FBXL17: variants seen among roughly 807,000 people sequenced by gnomAD.
The protein encoded by FBXL17 is F-box and leucine rich repeat protein 17, also known as F-box/LRR-repeat protein 17.
A neutral mutation model predicts 66.2 loss-of-function variants in FBXL17; 22 were observed. The observed-to-expected ratio is 0.33, with a 90% confidence interval of 0.24 to 0.47. FBXL17 has a LOEUF of 0.47. FBXL17 is among the 20% of genes least tolerant of loss of function. FBXL17 has a pLI of 1.00. For synonymous variants in FBXL17, 474 were observed against 400.5 expected, an observed-to-expected ratio of 1.18 and a Z score of -2.19; for missense variants, 878 against 948.2, an observed-to-expected ratio of 0.93 and a Z score of 0.97.
intron 7 of FBXL17, among the ~76,000 whole-genome samples, chr5:107,904,282 C>T (rs528243225): frequency 5.3e-5 from 8 of 152,238 alleles, no homozygotes; most frequent in East Asian, 3.9e-4. Flanking sequence ...CCCCTTCTCC[C>T]GCTGCCACTG....
chr5:108,233,180 TG>T (rs61208225), intron 4 of FBXL17, among the ~76,000 whole-genome samples: 18,325 of 151,792 alleles, frequency 0.12, 1,326 homozygotes, highest in Admixed American at 0.16. Flanking sequence ...GTTTCACAAT[TG>T]TTTTTTTTGC....
At chr5:107,894,733 T>C (rs1471850280) in intron 7 of FBXL17, among the ~76,000 whole-genome samples, 1 of 152,188 alleles carries the variant, frequency 6.6e-6, no homozygotes, top group Non-Finnish European at 1.5e-5. Context: ...TTCATATATA[T>C]AATTACACAT....
chr5:108,054,924 T>A (rs752221290), intron 6 of FBXL17, among the ~76,000 whole-genome samples: 6 of 152,094 alleles, frequency 3.9e-5, no homozygotes, highest in Non-Finnish European at 7.4e-5. Flanking sequence ...GTTTGATAGG[T>A]GATGTCTGGG....
intron 7 of FBXL17, among the ~76,000 whole-genome samples, chr5:107,912,536 T>C (rs1487184288): frequency 6.6e-6 from 1 of 152,144 alleles, no homozygotes; most frequent in Non-Finnish European, 1.5e-5. Context: ...CAGGGAATAC[T>C]GTTGAATGAA....
chr5:108,240,691 G>A lies in FBXL17; in HGVS notation c.1507-16463C>T, dbSNP rs191765315. The stretch of plus-strand genomic sequence containing the variant: ...GGCTTGACCATCTACTGATTGTAGA[G>A]TACTAGGGCCTTGACTGAACACAGG... On this transcript the variant is annotated intron_variant, in intron 4 of 8. Transcript: ENST00000542267. Among the ~76,000 whole-genome samples the A allele has an allele frequency of 1.1e-3, 171 of 152,274 alleles. 1 individual carries two copies. Among genetic ancestry groups the A allele is most frequent in the Admixed American group, 0.011 (171 of 15,282 alleles).
chr5:108,376,348 A>G (rs1749420998), intron 1 of FBXL17, among the ~76,000 whole-genome samples: 1 of 152,224 alleles, frequency 6.6e-6, no homozygotes, highest in South Asian at 2.1e-4. Context: ...CTCTATTCAC[A>G]GATGTCATGG....
chr5:108,183,462 T>G (rs1753092815), intron 6 of FBXL17, among the ~76,000 whole-genome samples: 1 of 152,246 alleles, frequency 6.6e-6, no homozygotes, highest in Non-Finnish European at 1.5e-5. Context: ...GAATAGCTTT[T>G]TAAAGATTAC....
Position 108,380,766 on chromosome 5 carries a change from T to A in FBXL17, c.926A>T (p.Asp309Val). 8.0e-7 allele frequency: 1 copy of A among 1,248,490 alleles called. No homozygotes were observed. The highest frequency in any genetic ancestry group is 1.6e-5 in the African/African-American group (1 of 64,380). 77.3% of individuals were successfully genotyped at this position (1,248,490 alleles called of 1,614,324 possible). A position where few individuals can be genotyped will look rare whatever the true frequency, so the allele number is the denominator to read the frequency against. Residue 309 changes from aspartate to valine, a missense_variant, in exon 1 of 9, where the codon GAC (aspartate) becomes GTC (valine). Physicochemically the swap from Asp to Val is radical, Grantham distance 152. Coordinates refer to ENST00000542267, the MANE Select transcript of FBXL17 (RefSeq NM_001163315.3). ...DCRESPENPCDCHREPPPETP... is the reference protein window; with the variant it reads ...DCRESPENPCVCHREPPPETP... The stretch of plus-strand genomic sequence containing the variant: ...TTCGGGGGGCGGCTCCCTGTGACAG[T>A]CGCAGGGGTTTTCGGGGGACTCCCG...
At chr5:108,009,262 TA>T (rs1470217448) in intron 7 of FBXL17, among the ~76,000 whole-genome samples, 256 of 11,238 alleles carry the variant, frequency 0.023, 18 homozygotes, top group African/African-American at 0.15. Flanking sequence ...TTCCCTGTTT[TA>T]TATATATATA....
chr5:108,176,721 T>C (rs974991700), intron 6 of FBXL17, among the ~76,000 whole-genome samples: 6 of 152,130 alleles, frequency 3.9e-5, no homozygotes, highest in Non-Finnish European at 8.8e-5. Flanking sequence ...TAGTAAGTAG[T>C]ATTTCCTTAA....
chr5:108,006,746 C>A (rs1169387525), intron 7 of FBXL17, among the ~76,000 whole-genome samples: 1 of 152,168 alleles, frequency 6.6e-6, no homozygotes, highest in East Asian at 1.9e-4. Flanking sequence ...TGTGCAGCAG[C>A]ACATCATGTG....
At chr5:108,278,270 C>T (rs894386041) in intron 4 of FBXL17, among the ~76,000 whole-genome samples, 1 of 152,188 alleles carries the variant, frequency 6.6e-6, no homozygotes, top group Non-Finnish European at 1.5e-5. Context: ...AGGGAAAGAA[C>T]ACATCCTGGG....
At chr5:108,176,881 G>C (rs1196667297) in intron 6 of FBXL17, among the ~76,000 whole-genome samples, 2 of 152,016 alleles carry the variant, frequency 1.3e-5, no homozygotes, top group African/African-American at 4.8e-5. Context: ...AATTTTACCA[G>C]AAAAACTTTG....
intron 4 of FBXL17, among the ~76,000 whole-genome samples, chr5:108,270,910 C>A (rs571219689): frequency 6.6e-6 from 1 of 152,122 alleles, no homozygotes; most frequent in South Asian, 2.1e-4. Context: ...TGCTGAAATT[C>A]TCCTCCAAAA....
At chr5:108,224,300 T>C in intron 4 of FBXL17, 72 bp from the exon 5 acceptor site, 1 of 759,234 alleles carries the variant, frequency 1.3e-6, no homozygotes, top group Non-Finnish European at 2.2e-6. Flanking sequence ...CTCCTGAAAA[T>C]CCTCTCAGCC....
At chr5:107,992,905 T>C (rs935571873) in intron 7 of FBXL17, among the ~76,000 whole-genome samples, 3 of 150,792 alleles carry the variant, frequency 2.0e-5, no homozygotes, top group African/African-American at 7.3e-5. Flanking sequence ...TCCTTCCTCT[T>C]TTTTTTTTGA....
chr5:108,215,543 T>C lies in FBXL17; in HGVS notation c.1614+8578A>G, dbSNP rs140680922. ...TCTGGAGAAATATCTATTCAAGTCT[T>C]TTGCACATTTAAAAAAATTAGGCTG... On this transcript the variant is annotated intron_variant, in intron 5 of 8. Coordinates refer to ENST00000542267, the MANE Select transcript of FBXL17 (RefSeq NM_001163315.3). Among the ~76,000 whole-genome samples the C allele has an allele frequency of 6.7e-3, 995 of 148,692 alleles. 9 individuals are homozygous for C. The highest frequency in any genetic ancestry group is 0.023 in the African/African-American group (953 of 41,306).
intron 4 of FBXL17, among the ~76,000 whole-genome samples, chr5:108,317,879 T>C (rs1409594267): frequency 6.6e-6 from 1 of 151,548 alleles, no homozygotes. Context: ...ATTCACTATG[T>C]ATCTGCAAAT....
At chr5:108,255,618 A>G (rs1466886435) in intron 4 of FBXL17, among the ~76,000 whole-genome samples, 4 of 152,128 alleles carry the variant, frequency 2.6e-5, no homozygotes, top group African/African-American at 9.7e-5. Context: ...GTCCAAGGAA[A>G]AACTGACCAG....
Sources: allele counts gnomAD v4.1 joint callset (sites outside exome capture counted in the v4.1 genomes callset), GRCh38; gene constraint gnomAD v4.1.1; transcripts MANE v1.5; gene names NCBI Gene and HGNC (gene_info 2026-07-23, HGNC 2026-07-21).